ZBTB20: variants seen among roughly 807,000 people sequenced by gnomAD.
ZBTB20 encodes the protein zinc finger and BTB domain-containing protein 20.
Under a neutral mutation model 56.9 loss-of-function variants are expected in ZBTB20, and 9 were observed. That is an observed-to-expected ratio of 0.16 (90% confidence interval 0.10 to 0.28). The LOEUF (loss-of-function observed/expected upper bound fraction) is 0.28, where lower values mean the gene tolerates loss of function less well. Ranked by LOEUF, ZBTB20 falls within the 10% of genes least tolerant of loss-of-function variation. The pLI, the probability that ZBTB20 is intolerant of heterozygous loss-of-function variation, is 1.00. For synonymous variants in ZBTB20, 417 were observed against 420.7 expected (o/e 0.99, Z 0.11); for missense variants, 655 against 1,003.0 (o/e 0.65, Z 4.69).
intron 6 of ZBTB20, among the ~76,000 whole-genome samples, chr3:114,594,105 G>C (rs1388841242): frequency 6.6e-6 from 1 of 152,120 alleles, no homozygotes; most frequent in African/African-American, 2.4e-5. Flanking sequence ...TGAGGAAGTT[G>C]CTAGGATTTC....
At chr3:114,893,868 T>A (rs2074743524) in intron 4 of ZBTB20, among the ~76,000 whole-genome samples, 2 of 152,186 alleles carry the variant, frequency 1.3e-5, no homozygotes, top group African/African-American at 2.4e-5. Context: ...TCAGATTCCA[T>A]CCTGTCCAAA....
chr3:114,812,591 G>A (rs1003266035), intron 4 of ZBTB20, among the ~76,000 whole-genome samples: 3 of 152,314 alleles, frequency 2.0e-5, no homozygotes, highest in Admixed American at 6.5e-5. Context: ...AGACATAAAG[G>A]CTCTCCACGT....
At position 115,086,204 on chromosome 3, in the gene ZBTB20, C is replaced by A. The variant is rs1312061100; in HGVS notation, c.-702-14790G>T. ...TACCTAAACTAACTACAATTTTATG[C>A]TTTTAGGTCACTGTCATTTTGTTGC... On this transcript the variant is annotated intron_variant, in intron 1 of 11. Transcript: ENST00000675478. 2.0e-5 allele frequency among the ~76,000 whole-genome samples: 3 copies of A among 151,856 alleles called. No homozygotes were observed. The East Asian group carries it at 5.8e-4, about 29-fold the overall frequency.
chr3:114,772,344 A>C (rs541280423), intron 5 of ZBTB20, among the ~76,000 whole-genome samples: 2 of 152,240 alleles, frequency 1.3e-5, no homozygotes, highest in East Asian at 3.9e-4. Context: ...CGTCTCAAAA[A>C]AATAAAATAA....
chr3:115,026,074 T>C (rs528848918), intron 2 of ZBTB20, among the ~76,000 whole-genome samples: 1 of 151,108 alleles, frequency 6.6e-6, no homozygotes, highest in South Asian at 2.1e-4. Flanking sequence ...TGTCTACACA[T>C]CTAACAACAT....
intron 4 of ZBTB20, among the ~76,000 whole-genome samples, chr3:114,844,538 A>C (rs1205288763): frequency 2.2e-5 from 3 of 137,834 alleles, no homozygotes; most frequent in Non-Finnish European, 4.8e-5. Context: ...AAAAAAAAAA[A>C]AAAAAAAAAA....
chr3:114,456,807 A>C (rs973338735), intron 7 of ZBTB20, among the ~76,000 whole-genome samples: 1 of 152,218 alleles, frequency 6.6e-6, no homozygotes, highest in African/African-American at 2.4e-5. Flanking sequence ...TCTTGCCCTA[A>C]AACAAGACTC....
intron 3 of ZBTB20, among the ~76,000 whole-genome samples, chr3:114,964,901 T>A (rs2107996562): frequency 6.6e-6 from 1 of 152,320 alleles, no homozygotes; most frequent in Non-Finnish European, 1.5e-5. Context: ...AGCCTACTGA[T>A]CTTTGAAAAA....
intron 3 of ZBTB20, among the ~76,000 whole-genome samples, chr3:114,941,281 C>T (rs1330360560): frequency 1.4e-5 from 2 of 145,860 alleles, no homozygotes; most frequent in Non-Finnish European, 2.9e-5. Context: ...CTTATAATGA[C>T]TTTGAGAAAC....
At chr3:114,732,824 A>G (rs2065859427) in intron 5 of ZBTB20, among the ~76,000 whole-genome samples, 1 of 152,162 alleles carries the variant, frequency 6.6e-6, no homozygotes, top group Non-Finnish European at 1.5e-5. Context: ...ACTGAGATTC[A>G]GGTGCCTGAG....
At chr3:114,406,405 G>A (rs2087326059) in intron 7 of ZBTB20, among the ~76,000 whole-genome samples, 1 of 152,100 alleles carries the variant, frequency 6.6e-6, no homozygotes, top group Non-Finnish European at 1.5e-5. Context: ...AATAGAACTT[G>A]CAATTGACTG....
intron 1 of ZBTB20, among the ~76,000 whole-genome samples, chr3:115,104,541 A>T (rs2083668684): frequency 6.6e-6 from 1 of 152,232 alleles, no homozygotes; most frequent in Admixed American, 6.5e-5. Context: ...CCATGAAAAG[A>T]CATGTAGGAA....
intron 1 of ZBTB20, among the ~76,000 whole-genome samples, chr3:115,138,765 A>G (rs1343376697): frequency 6.6e-6 from 1 of 152,094 alleles, no homozygotes; most frequent in Admixed American, 6.6e-5. Context: ...ACAAAGTAAG[A>G]TCTCAGTAAA....
intron 3 of ZBTB20, among the ~76,000 whole-genome samples, chr3:114,938,275 T>G (rs1314151232): frequency 6.8e-6 from 1 of 146,420 alleles, no homozygotes; most frequent in Non-Finnish European, 1.5e-5. Flanking sequence ...CTCTTTAGTT[T>G]AATTAGATCC....
chr3:114,421,364 T>A (rs555882176), intron 7 of ZBTB20, among the ~76,000 whole-genome samples: 1 of 152,272 alleles, frequency 6.6e-6, no homozygotes, highest in East Asian at 1.9e-4. Context: ...TTTACAATAC[T>A]CCTCTGGGGA....
rs202171234 is a variant in ZBTB20, at chr3:114,797,416, CTT to C, written c.-343+3683_-343+3684del. Among the ~76,000 whole-genome samples, 974 of 151,880 alleles carry C rather than the reference CTT, an allele frequency of 6.4e-3. 9 individuals are homozygous for C. Among genetic ancestry groups the C allele is most frequent in the African/African-American group, 0.021 (881 of 41,474 alleles). ...ACCAATACTATCAATGTTCTCCTGA[CTT>C]TCATTTATTACTCCCTCTTCATAGG... On this transcript the variant is annotated intron_variant, in intron 5 of 11. Transcript: ENST00000675478.
chr3:115,040,815 T>C (rs2081111050), intron 2 of ZBTB20, among the ~76,000 whole-genome samples: 1 of 152,122 alleles, frequency 6.6e-6, no homozygotes, highest in Non-Finnish European at 1.5e-5. Flanking sequence ...CCTTGAAACA[T>C]TTCAGGGGGA....
At chr3:114,466,065 C>T (rs2092539210) in intron 7 of ZBTB20, among the ~76,000 whole-genome samples, 1 of 151,476 alleles carries the variant, frequency 6.6e-6, no homozygotes, top group Admixed American at 6.6e-5. Context: ...AGTCTACAGG[C>T]CAGGACTAGA....
At position 114,990,163 on chromosome 3, in the gene ZBTB20, G is replaced by A. The variant is rs549935607; in HGVS notation, c.-506-15747C>T. Among the ~76,000 whole-genome samples, 19 of 152,218 alleles carry A rather than the reference G, an allele frequency of 1.2e-4. No individual in the cohort carries two copies. The South Asian group carries it at 3.3e-3, about 27-fold the overall frequency. On this transcript the variant is annotated intron_variant, in intron 2 of 11. Transcript: ENST00000675478. The stretch of plus-strand genomic sequence containing the variant: ...TGTTGAATAGGAGTGGTGAGAGAGG[G>A]CATCCCTGTCTTGTGCCCGTTTTCA...
Sources: allele counts gnomAD v4.1 joint callset (sites outside exome capture counted in the v4.1 genomes callset), GRCh38; gene constraint gnomAD v4.1.1; transcripts MANE v1.5; gene names NCBI Gene and HGNC (gene_info 2026-07-23, HGNC 2026-07-21).